TTBK2: variants seen among roughly 807,000 people sequenced by gnomAD.
The protein encoded by TTBK2 is tau tubulin kinase 2.
TTBK2 carries 28 observed loss-of-function variants against 110.8 expected under a neutral mutation model. The ratio of observed to expected loss-of-function variants is 0.25; its 90% CI spans 0.19 to 0.35. TTBK2 has a LOEUF of 0.35. Among genes scored for constraint, TTBK2 ranks in the 10% least tolerant of loss-of-function variants. The probability of loss-of-function intolerance (pLI) is 1.00; values close to 1 mark genes in which losing one functional copy is unlikely to be tolerated. For synonymous variants in TTBK2, 532 were observed against 527.3 expected (o/e 1.01, Z -0.12); for missense variants, 1,369 against 1,500.3 (o/e 0.91, Z 1.45).
chr15:42,828,043 AAAG>A lies in TTBK2; in HGVS notation c.433-14_433-12del. The A allele has an allele frequency of 6.3e-7, 1 of 1,591,082 alleles. No individual in the cohort carries two copies. Among genetic ancestry groups the A allele is most frequent in the Non-Finnish European group, 8.6e-7 (1 of 1,160,202 alleles). ...CATAGCGAAGTTCGACTAGAAAAAT[AAAG>A]AAGGAAAATATATACATTCTTATAA... On this transcript the variant is annotated splice_polypyrimidine_tract_variant and intron_variant, in intron 5 of 14. Transcript: ENST00000267890.
Position 42,878,149 on chromosome 15 carries a change from G to C in TTBK2, c.69+400C>G, listed in dbSNP as rs1301269084. Reference sequence around the variant, plus strand: ...GCACCACGCCCAGCTAATTTTTTTTGCTTTTTTTTTTTTTAGTAGAGATGG... The same window carrying C: ...GCACCACGCCCAGCTAATTTTTTTTCCTTTTTTTTTTTTTAGTAGAGATGG... On this transcript the variant is annotated intron_variant, in intron 2 of 14. Transcript: ENST00000267890. 3.5e-5 allele frequency among the ~76,000 whole-genome samples: 5 copies of C among 144,476 alleles called. No individual in the cohort carries two copies. The East Asian group carries it at 9.9e-4, about 29-fold the overall frequency. 94.8% of individuals were successfully genotyped at this position (144,476 alleles called of 152,430 possible). A position where few individuals can be genotyped will look rare whatever the true frequency, so the allele number is the denominator to read the frequency against.
At chr15:42,878,443 A>C in intron 2 of TTBK2, 106 bp downstream of exon 2, 1 of 1,566,646 alleles carries the variant, frequency 6.4e-7, no homozygotes. Context: ...ATATTTCCTA[A>C]TGAAATGCTA....
At position 42,744,641 on chromosome 15, in the gene TTBK2, A is replaced by C. The variant is rs982171510; in HGVS notation, c.*1154T>G. The stretch of plus-strand genomic sequence containing the variant: ...TCAGGCCAAGAAGCCCAAATGTTGA[A>C]CTAAAACACAGGAGAAGCAGGTAAT... On this transcript the variant is annotated 3_prime_UTR_variant, in exon 15 of 15. Transcript: ENST00000267890. 6.6e-6 allele frequency: 1 copy of C among 152,214 alleles called. No individual in the cohort carries two copies. Among genetic ancestry groups the C allele is most frequent in the African/African-American group, 2.4e-5 (1 of 41,462 alleles). The allele number at this position is 152,214 out of a possible 1,614,324, so 9.4% of individuals were successfully genotyped here.
At chr15:42,877,069 T>C (rs1894845063) in intron 2 of TTBK2, among the ~76,000 whole-genome samples, 1 of 152,158 alleles carries the variant, frequency 6.6e-6, no homozygotes, top group Non-Finnish European at 1.5e-5. Flanking sequence ...ATTTATCTTG[T>C]TTTCCTAATC....
intron 13 of TTBK2, among the ~76,000 whole-genome samples, chr15:42,767,051 T>C (rs1438866500): frequency 6.6e-6 from 1 of 151,928 alleles, no homozygotes; most frequent in African/African-American, 2.4e-5. Flanking sequence ...AATAACAAAA[T>C]GAAGGAAGAA....
intron 10 of TTBK2, among the ~76,000 whole-genome samples, chr15:42,785,700 T>G (rs1890382329): frequency 6.6e-6 from 1 of 152,108 alleles, no homozygotes; most frequent in African/African-American, 2.4e-5. Flanking sequence ...CTTCACCAAG[T>G]GAAAAGGCTC....
chr15:42,859,571 T>C (rs1464561052), intron 3 of TTBK2, among the ~76,000 whole-genome samples: 1 of 152,126 alleles, frequency 6.6e-6, no homozygotes, highest in Admixed American at 6.6e-5. Context: ...AACTGAGAAC[T>C]AATAATAGGA....
chr15:42,813,372 AT>A (rs1891803221), intron 7 of TTBK2, among the ~76,000 whole-genome samples: 1 of 152,080 alleles, frequency 6.6e-6, no homozygotes, highest in East Asian at 1.9e-4. Flanking sequence ...AAATACAAAA[AT>A]TAGCCAAGTG....
In TTBK2 at chr15:42,855,402, AT is replaced by A. The variant is rs1423359597; in HGVS notation, c.218-14970del. Among the ~76,000 whole-genome samples the A allele has an allele frequency of 1.3e-5, 2 of 152,320 alleles. 1 individual carries two copies. Among genetic ancestry groups the A allele is most frequent in the East Asian group, 3.9e-4 (2 of 5,184 alleles). On this transcript the variant is annotated intron_variant, in intron 3 of 14. Coordinates refer to ENST00000267890, the MANE Select transcript of TTBK2 (RefSeq NM_173500.4). ...GTTACTAGGAGAAACAAGGCTCCTG[AT>A]TCTGAATATGGCACAGAAAAAGTTT...
intron 3 of TTBK2, among the ~76,000 whole-genome samples, chr15:42,841,324 C>T (rs1439960660): frequency 6.6e-6 from 1 of 152,186 alleles, no homozygotes; most frequent in Non-Finnish European, 1.5e-5. Context: ...ATCCTCCCAC[C>T]TCAGCCTCCC....
intron 9 of TTBK2, 67 bp downstream of exon 9, chr15:42,810,547 T>C: frequency 6.3e-7 from 1 of 1,596,862 alleles, no homozygotes; most frequent in Non-Finnish European, 8.6e-7. Context: ...CCTTCAAAGC[T>C]ACAATGAGTG....
intron 7 of TTBK2, among the ~76,000 whole-genome samples, chr15:42,816,751 C>G (rs1278782979): frequency 6.6e-6 from 1 of 151,870 alleles, no homozygotes; most frequent in East Asian, 1.9e-4. Flanking sequence ...AACACTTTCT[C>G]TACTAAAAAT....
chr15:42,779,845 G>A (rs980577499), intron 11 of TTBK2, among the ~76,000 whole-genome samples: 1 of 152,020 alleles, frequency 6.6e-6, no homozygotes, highest in African/African-American at 2.4e-5. Flanking sequence ...AGTCGGGTGT[G>A]GTGGCACGTG....
intron 3 of TTBK2, among the ~76,000 whole-genome samples, chr15:42,862,064 C>A (rs1187241309): frequency 6.6e-6 from 1 of 152,018 alleles, no homozygotes; most frequent in Non-Finnish European, 1.5e-5. Flanking sequence ...AACAGACCAA[C>A]AACAAGACTC....
At chr15:42,771,689 T>G (rs1166706784) in intron 13 of TTBK2, among the ~76,000 whole-genome samples, 1 of 152,262 alleles carries the variant, frequency 6.6e-6, no homozygotes. Flanking sequence ...ATACTGCTAC[T>G]CTTTTTCTTT....
At chr15:42,769,616 C>T (rs1481703389) in intron 13 of TTBK2, among the ~76,000 whole-genome samples, 9 of 149,174 alleles carry the variant, frequency 6.0e-5, no homozygotes, top group South Asian at 2.1e-4. Flanking sequence ...ACAACAGGTG[C>T]TGGAGAGGAT....
In TTBK2 at chr15:42,746,158, G is replaced by A; in HGVS notation, c.3372C>T (p.Ser1124=). The A allele has an allele frequency of 6.2e-7, 1 of 1,614,184 alleles. No individual in the cohort carries two copies. The highest frequency in any genetic ancestry group is 8.5e-7 in the Non-Finnish European group (1 of 1,180,022). Residue 1124 remains serine, a synonymous_variant, in exon 15 of 15, where the codon AGC becomes AGT. Transcript: ENST00000267890. ...ILQNGSQKPR[S]TTQCKSPGSP... is the part of the protein sequence containing the mutation. ...ATCCTGGACTCTTGCACTGAGTAGT[G>A]CTCCGGGGTTTCTGAGATCCATTTT...
At chr15:42,770,395 C>T (rs550323950) in intron 13 of TTBK2, among the ~76,000 whole-genome samples, 6 of 152,206 alleles carry the variant, frequency 3.9e-5, no homozygotes, top group African/African-American at 1.4e-4. Context: ...GCTTTTTATT[C>T]TTGGTACTTA....
chr15:42,763,182 ATATATATATATTTTTT>A (rs1889164309), intron 13 of TTBK2, among the ~76,000 whole-genome samples: 1 of 21,002 alleles, frequency 4.8e-5, no homozygotes, highest in African/African-American at 2.5e-4. Context: ...ATATATATAT[ATATATATATATTTTTT>A]TTTTTTTTTT....
Sources: gnomAD v4.1 joint callset for allele counts (sites outside exome capture counted in the v4.1 genomes callset) on GRCh38, gnomAD v4.1.1 for gene constraint, MANE v1.5 for transcripts, NCBI Gene and HGNC (gene_info 2026-07-23, HGNC 2026-07-21) for gene names.